ARHGEF10: variants seen among roughly 807,000 people sequenced by gnomAD.
The protein encoded by ARHGEF10 is Rho guanine nucleotide exchange factor (GEF) 10.
A neutral mutation model predicts 147.4 loss-of-function variants in ARHGEF10; 140 were observed. That is an observed-to-expected ratio of 0.95 (90% confidence interval 0.83 to 1.09). The LOEUF is 1.09. Among genes scored for constraint, ARHGEF10 ranks in the 50% least tolerant of loss-of-function variants. The pLI is 0.00. For missense variants in ARHGEF10, 2,222 were observed against 1,752.7 expected (o/e 1.27, Z -4.78); for synonymous variants, 902 against 695.8 (o/e 1.30, Z -4.67).
At chr8:1,909,148 G>T (rs1811153480) in intron 17 of ARHGEF10, 147 bp from the exon 18 acceptor site, 1 of 1,218,038 alleles carries the variant, frequency 8.2e-7, no homozygotes, top group Non-Finnish European at 1.2e-6. Context: ...CAGTAAGAAA[G>T]TCAGAAGCAC....
At chr8:1,921,785 G>C (rs1467621396) in intron 18 of ARHGEF10, among the ~76,000 whole-genome samples, 1 of 152,044 alleles carries the variant, frequency 6.6e-6, no homozygotes, top group African/African-American at 2.4e-5. Flanking sequence ...CCACATCCGA[G>C]CCTGAGACCA....
chr8:1,899,522 T>C (rs1310049404), intron 15 of ARHGEF10, among the ~76,000 whole-genome samples: 1 of 152,184 alleles, frequency 6.6e-6, no homozygotes, highest in African/African-American at 2.4e-5. Flanking sequence ...ACCAACCAAA[T>C]CCATGGCACA....
chr8:1,827,262 G>T (rs1802825979), intron 1 of ARHGEF10, among the ~76,000 whole-genome samples: 1 of 152,184 alleles, frequency 6.6e-6, no homozygotes, highest in Non-Finnish European at 1.5e-5. Context: ...CATTGGTTTT[G>T]GTTCTGTTTG....
rs890306577 is a variant in ARHGEF10 at position 1,860,111 on chromosome 8, C to T, written c.408C>T (p.Pro136=). 13 of 1,614,116 alleles carry T rather than the reference C, an allele frequency of 8.1e-6. No homozygotes were observed. Among genetic ancestry groups the T allele is most frequent in the Non-Finnish European group, 9.3e-6 (11 of 1,180,010 alleles). Residue 136 remains proline, a synonymous_variant, in exon 4 of 29, where the codon CCC becomes CCT. Transcript: ENST00000349830. ...LVPVPCGYAV[P]SNLPLLLPAY... ...CTGTACCCTGCGGCTATGCGGTGCCCTCCAACCTGCCCCTCCTGCTGCCCG... is the reference window on the plus strand; with the variant it reads ...CTGTACCCTGCGGCTATGCGGTGCCTTCCAACCTGCCCCTCCTGCTGCCCG...
intron 11 of ARHGEF10, among the ~76,000 whole-genome samples, 176 bp downstream of exon 11, chr8:1,885,883 A>G (rs144694367): frequency 2.8e-3 from 425 of 152,314 alleles, no homozygotes; most frequent in Middle Eastern, 0.01. Context: ...GGGCTCAGCA[A>G]GGGTCTGGGG....
chr8:1,939,062 A>C (rs1029374608), intron 26 of ARHGEF10, among the ~76,000 whole-genome samples: 1 of 151,658 alleles, frequency 6.6e-6, no homozygotes, highest in Non-Finnish European at 1.5e-5. Context: ...AACCCTGAAC[A>C]CTGTGGAATC....
intron 7 of ARHGEF10, among the ~76,000 whole-genome samples, chr8:1,875,492 C>T (rs912126912): frequency 4.6e-5 from 7 of 152,262 alleles, no homozygotes; most frequent in Admixed American, 3.9e-4. Context: ...CCCATTCATC[C>T]GCTGAGCTGA....
chr8:1,857,711 C>T (rs1055932378), intron 2 of ARHGEF10, among the ~76,000 whole-genome samples: 3 of 80,100 alleles, frequency 3.7e-5, no homozygotes, highest in African/African-American at 7.0e-5. Context: ...AGCTACCACC[C>T]CCAGCCTCTT....
intron 2 of ARHGEF10, among the ~76,000 whole-genome samples, chr8:1,846,847 G>A (rs1188955451): frequency 6.6e-6 from 1 of 152,228 alleles, no homozygotes; most frequent in African/African-American, 2.4e-5. Context: ...AAAGTGATGG[G>A]ATGACAGGCG....
intron 2 of ARHGEF10, among the ~76,000 whole-genome samples, chr8:1,850,775 T>C (rs983819511): frequency 2.6e-5 from 4 of 152,170 alleles, no homozygotes; most frequent in African/African-American, 7.2e-5. Context: ...TTATTCATAA[T>C]TGCCAGAACC....
At chr8:1,887,200 C>T (rs11779246) in intron 11 of ARHGEF10, among the ~76,000 whole-genome samples, 30,891 of 152,090 alleles carry the variant, frequency 0.2, 4,059 homozygotes, top group East Asian at 0.4. Flanking sequence ...AGCGATGAAG[C>T]CGAAAACCAA....
At chr8:1,945,915 G>GCGTGCTGGGAGGAGCCC in intron 27 of ARHGEF10, 1 of 614,558 alleles carries the variant, frequency 1.6e-6, no homozygotes, top group South Asian at 1.9e-5. Context: ...GGGAGGAGCC[G>GCGTGCTGGGAGGAGCCC]CGTGGCAGTG....
chr8:1,842,906 C>T (rs189014686), intron 1 of ARHGEF10, among the ~76,000 whole-genome samples: 7 of 152,322 alleles, frequency 4.6e-5, no homozygotes, highest in East Asian at 3.9e-4. Flanking sequence ...CTAAGCACCA[C>T]GCCTAATCCC....
chr8:1,911,450 C>G (rs373575170), intron 18 of ARHGEF10, among the ~76,000 whole-genome samples: 1 of 152,154 alleles, frequency 6.6e-6, no homozygotes, highest in East Asian at 1.9e-4. Flanking sequence ...AAAAAAGAAA[C>G]TTTTAAAACA....
At chr8:1,911,388 G>T (rs1238684030) in intron 18 of ARHGEF10, among the ~76,000 whole-genome samples, 3 of 152,122 alleles carry the variant, frequency 2.0e-5, no homozygotes, top group Non-Finnish European at 2.9e-5. Flanking sequence ...TAAACAGAGA[G>T]CTTAAATGAT....
chr8:1,852,674 T>C (rs1271354534), intron 2 of ARHGEF10, among the ~76,000 whole-genome samples: 1 of 152,250 alleles, frequency 6.6e-6, no homozygotes, highest in Non-Finnish European at 1.5e-5. Context: ...GTCATAATGA[T>C]TGGAAACGTA....
At chr8:1,851,608 A>G (rs1474609588) in intron 2 of ARHGEF10, among the ~76,000 whole-genome samples, 2 of 152,166 alleles carry the variant, frequency 1.3e-5, no homozygotes, top group African/African-American at 2.4e-5. Context: ...AAAAAGTTGT[A>G]TCTCTTAAAA....
intron 18 of ARHGEF10, among the ~76,000 whole-genome samples, chr8:1,921,605 G>C (rs1310474925): frequency 6.6e-6 from 1 of 152,112 alleles, no homozygotes; most frequent in East Asian, 1.9e-4. Flanking sequence ...ATGGTGGCAG[G>C]TGACTGTAGT....
intron 3 of ARHGEF10, 64 bp from the exon 4 acceptor site, chr8:1,859,833 A>T: frequency 2.5e-6 from 4 of 1,587,354 alleles, no homozygotes; most frequent in Non-Finnish European, 3.4e-6. Context: ...CTTGCGCTCC[A>T]GGAGGGCATG....
Sources: allele counts gnomAD v4.1 joint callset (sites outside exome capture counted in the v4.1 genomes callset), GRCh38; gene constraint gnomAD v4.1.1; transcripts MANE v1.5; gene names NCBI Gene and HGNC (gene_info 2026-07-23, HGNC 2026-07-21).